Variants in RHOBTB1 observed in about 807,000 individuals in gnomAD.
RHOBTB1 encodes the protein Rho related BTB domain containing 1.
RHOBTB1 carries 40 observed loss-of-function variants against 71.6 expected under a neutral mutation model. The ratio of observed to expected loss-of-function variants is 0.56; its 90% CI spans 0.43 to 0.73. The LOEUF (loss-of-function observed/expected upper bound fraction) is 0.73, where lower values mean the gene tolerates loss of function less well. Among genes scored for constraint, RHOBTB1 ranks in the 30% least tolerant of loss-of-function variants. RHOBTB1 has a pLI of 0.00. For synonymous variants in RHOBTB1, 319 were observed against 334.9 expected (o/e 0.95, Z 0.52); for missense variants, 797 against 894.0 (o/e 0.89, Z 1.38).
intron 9 of RHOBTB1, among the ~76,000 whole-genome samples, chr10:60,872,698 C>T (rs2080858151): frequency 6.6e-6 from 1 of 152,142 alleles, no homozygotes; most frequent in Non-Finnish European, 1.5e-5. Context: ...CATGTCAGAG[C>T]TCAGCTTGCT....
intron 4 of RHOBTB1, among the ~76,000 whole-genome samples, chr10:60,898,349 A>G (rs2082259351): frequency 6.6e-6 from 1 of 152,204 alleles, no homozygotes. Flanking sequence ...TCGACAACAT[A>G]TCTTTCATGC....
chr10:60,919,373 C>T (rs1310123374), intron 2 of RHOBTB1, among the ~76,000 whole-genome samples: 2 of 152,138 alleles, frequency 1.3e-5, no homozygotes, highest in African/African-American at 4.8e-5. Context: ...TAACTATAGC[C>T]AACAGCCAAG....
At chr10:60,984,912 T>C (rs369592201) in intron 2 of RHOBTB1, among the ~76,000 whole-genome samples, 41 of 152,314 alleles carry the variant, frequency 2.7e-4, no homozygotes, top group Admixed American at 1.6e-3. Flanking sequence ...CCAATCTATA[T>C]GCTAATAACA....
chr10:60,934,802 C>T (rs576259726), intron 2 of RHOBTB1, among the ~76,000 whole-genome samples: 11 of 152,246 alleles, frequency 7.2e-5, no homozygotes, highest in Admixed American at 2.6e-4. Context: ...CTTGATGAAA[C>T]GGAGAGCTGG....
At chr10:60,921,506 T>A (rs2083561433) in intron 2 of RHOBTB1, among the ~76,000 whole-genome samples, 1 of 152,234 alleles carries the variant, frequency 6.6e-6, no homozygotes, top group Admixed American at 6.5e-5. Flanking sequence ...AAATTCTGAT[T>A]TGTAATACTG....
At chr10:60,986,969 T>A (rs1453890584) in intron 1 of RHOBTB1, among the ~76,000 whole-genome samples, 1 of 152,174 alleles carries the variant, frequency 6.6e-6, no homozygotes, top group Non-Finnish European at 1.5e-5. Context: ...TGATTGCCGG[T>A]GGCTCCAGGC....
At chr10:60,967,868 T>G (rs1048791974) in intron 2 of RHOBTB1, among the ~76,000 whole-genome samples, 1 of 152,164 alleles carries the variant, frequency 6.6e-6, no homozygotes, top group Non-Finnish European at 1.5e-5. Flanking sequence ...TCATTTGTGT[T>G]CAGAAGTTGT....
At chr10:60,958,702 G>A (rs781738845) in intron 2 of RHOBTB1, among the ~76,000 whole-genome samples, 6 of 152,124 alleles carry the variant, frequency 3.9e-5, no homozygotes, top group Non-Finnish European at 8.8e-5. Flanking sequence ...CTAGGAAGAG[G>A]TGATCCTCCT....
At chr10:60,946,142 C>T (rs1012219785), upstream of RHOBTB1, among the ~76,000 whole-genome samples, 1 of 151,454 alleles carries the variant, frequency 6.6e-6, no homozygotes, top group African/African-American at 2.4e-5. Context: ...CGCGCCACTG[C>T]ACTCCAGCCT....
downstream of RHOBTB1, among the ~76,000 whole-genome samples, chr10:60,866,863 G>C (rs1236488315): frequency 2.6e-5 from 4 of 152,068 alleles, no homozygotes; most frequent in African/African-American, 9.7e-5. Context: ...GCACTAAGCA[G>C]CAAGGTCAGC....
rs545913845 is a variant in RHOBTB1 at position 60,907,701 on chromosome 10, C to A, written c.296+3186G>T. On this transcript the variant is annotated intron_variant, in intron 4 of 10. Transcript: ENST00000337910. ...CCCTTCCTGAAGACATGGGGTCAAC[C>A]AGATGACCTTTTGAAATCTCTTCTA... Among the ~76,000 whole-genome samples, 3 of 152,266 alleles carry A rather than the reference C, an allele frequency of 2.0e-5. No homozygotes were observed. The South Asian group carries it at 6.2e-4, about 32-fold the overall frequency.
chr10:60,964,368 T>C (rs2085887649), intron 2 of RHOBTB1, among the ~76,000 whole-genome samples: 1 of 151,926 alleles, frequency 6.6e-6, no homozygotes, highest in Admixed American at 6.6e-5. Context: ...ACATGGAAAA[T>C]AAGCAAAGTC....
chr10:60,922,710 T>A (rs552981802), intron 2 of RHOBTB1, among the ~76,000 whole-genome samples: 2 of 152,174 alleles, frequency 1.3e-5, no homozygotes, highest in Non-Finnish European at 2.9e-5. Context: ...CCTGCTGCTA[T>A]CAGCATGGAG....
intron 2 of RHOBTB1, among the ~76,000 whole-genome samples, chr10:60,913,808 T>C (rs895769046): frequency 5.3e-5 from 8 of 152,152 alleles, no homozygotes; most frequent in African/African-American, 1.7e-4. Context: ...TTTCCAGTCA[T>C]TGGACTTTGG....
intron 2 of RHOBTB1, among the ~76,000 whole-genome samples, chr10:60,934,393 C>T (rs2084444748): frequency 6.6e-6 from 1 of 152,122 alleles, no homozygotes; most frequent in South Asian, 2.1e-4. Context: ...AACCACAAAA[C>T]CTACATAGCC....
At chr10:60,967,021 T>C (rs2085987205) in intron 2 of RHOBTB1, among the ~76,000 whole-genome samples, 1 of 151,928 alleles carries the variant, frequency 6.6e-6, no homozygotes, top group African/African-American at 2.4e-5. Flanking sequence ...CAGTTAACAA[T>C]GGTGCTTTTG....
At chr10:60,904,260 A>G (rs921430958) in intron 4 of RHOBTB1, among the ~76,000 whole-genome samples, 1 of 152,142 alleles carries the variant, frequency 6.6e-6, no homozygotes, top group Non-Finnish European at 1.5e-5. Context: ...TTCTCGTCTT[A>G]AAGAATTTTT....
Position 60,987,919 on chromosome 10 carries a change from C to CTTTTTT in RHOBTB1, c.-162-1980_-162-1975dup, listed in dbSNP as rs71018937. ...GCTGTCTGCTGTCTGAAATACTCAACTTTTTTTTTTTTTTTTTTTTTTTTT... is the reference window on the plus strand; with the variant it reads ...GCTGTCTGCTGTCTGAAATACTCAACTTTTTTTTTTTTTTTTTTTTTTTTTTTTTTT... On this transcript the variant is annotated intron_variant, in intron 1 of 11. Transcript: ENST00000357917. Among the ~76,000 whole-genome samples, 60 of 53,738 alleles carry CTTTTTT rather than the reference C, an allele frequency of 1.1e-3. 8 individuals carry two copies. The highest frequency in any genetic ancestry group is 2.6e-3 in the African/African-American group (36 of 13,762). 35.3% of individuals were successfully genotyped at this position (53,738 alleles called of 152,430 possible).
At chr10:60,966,407 C>A (rs1403262345) in intron 2 of RHOBTB1, among the ~76,000 whole-genome samples, 1 of 151,664 alleles carries the variant, frequency 6.6e-6, no homozygotes, top group Non-Finnish European at 1.5e-5. Context: ...TGGTAGCTCA[C>A]CCCTGTAATC....
Sources: allele counts gnomAD v4.1 joint callset (sites outside exome capture counted in the v4.1 genomes callset), GRCh38; gene constraint gnomAD v4.1.1; transcripts MANE v1.5; gene names NCBI Gene and HGNC (gene_info 2026-07-23, HGNC 2026-07-21).